OPRM1: variants seen among roughly 807,000 people sequenced by gnomAD.
The protein encoded by OPRM1 is opioid receptor mu 1, also known as mu-type opioid receptor.
OPRM1 carries 27 observed loss-of-function variants against 31.8 expected under a neutral mutation model. The ratio of observed to expected loss-of-function variants is 0.85; its 90% CI spans 0.63 to 1.17. The LOEUF (loss-of-function observed/expected upper bound fraction) is 1.17, where lower values mean the gene tolerates loss of function less well. OPRM1 is among the 50% of genes most tolerant of loss of function. The pLI is 0.00. For missense variants in OPRM1, 536 were observed against 511.1 expected, an observed-to-expected ratio of 1.05 and a Z score of -0.47; for synonymous variants, 196 against 189.9, an observed-to-expected ratio of 1.03 and a Z score of -0.26.
rs566813772 is a variant in OPRM1, at chr6:154,125,369, A to T, written c.*6648A>T. Reference sequence around the variant, plus strand: ...TACCTGCCCCACAACTGTGTACATAAAACCTAAACCTCTGAAGCAATAAAC... The same window carrying T: ...TACCTGCCCCACAACTGTGTACATATAACCTAAACCTCTGAAGCAATAAAC... On this transcript the variant is annotated 3_prime_UTR_variant, in exon 4 of 4. Transcript: ENST00000330432. Among the ~76,000 whole-genome samples the T allele has an allele frequency of 6.6e-6, 1 of 152,220 alleles. No homozygotes were observed. The highest frequency in any genetic ancestry group is 1.5e-5 in the Non-Finnish European group (1 of 68,040).
intron 1 of OPRM1, among the ~76,000 whole-genome samples, chr6:154,028,854 G>A (rs1778849724): frequency 6.6e-6 from 1 of 152,178 alleles, no homozygotes; most frequent in East Asian, 1.9e-4. Flanking sequence ...TGGTGTTGGT[G>A]ATTCAAGACT....
chr6:154,039,671 G>T lies in OPRM1; in HGVS notation c.127G>T (p.Asp43Tyr), dbSNP rs1326577721. The T allele has an allele frequency of 3.1e-6, 5 of 1,613,988 alleles. No homozygotes were observed. The South Asian group carries it at 5.5e-5, about 18-fold the overall frequency. The stretch of plus-strand genomic sequence containing the variant: ...GTCCCACTTAGATGGCAACCTGTCC[G>T]ACCCATGCGGTCCGAACCGCACCGA... ...NLSHLDGNLS[D>Y]PCGPNRTDLG... is the part of the protein sequence containing the mutation. Residue 43 changes from aspartate to tyrosine, a missense_variant, in exon 1 of 4, where the codon GAC becomes TAC. Transcript: ENST00000330432.
intron 3 of OPRM1, among the ~76,000 whole-genome samples, chr6:154,097,193 T>C (rs1031568589): frequency 1.3e-5 from 2 of 152,240 alleles, no homozygotes; most frequent in Non-Finnish European, 2.9e-5. Context: ...TCCTGCTAAT[T>C]CCTTTCCATT....
At chr6:154,052,964 C>T (rs1053665286) in intron 1 of OPRM1, among the ~76,000 whole-genome samples, 23 of 152,170 alleles carry the variant, frequency 1.5e-4, no homozygotes, top group Admixed American at 1.4e-3. Context: ...GCATATTGCT[C>T]TTCTGGAACT....
chr6:154,017,922 G>C (rs533330189), intron 1 of OPRM1, among the ~76,000 whole-genome samples: 6 of 152,098 alleles, frequency 3.9e-5, no homozygotes, highest in Non-Finnish European at 5.9e-5. Context: ...TAAGCCAACT[G>C]TTCAATCAAT....
intron 3 of OPRM1, among the ~76,000 whole-genome samples, chr6:154,204,808 C>A (rs988730787): frequency 2.0e-5 from 3 of 152,146 alleles, no homozygotes; most frequent in African/African-American, 7.2e-5. Flanking sequence ...TGCAGAAAAC[C>A]CTCTTATAAC....
intron 3 of OPRM1, chr6:154,108,121 C>A (rs965153439): frequency 3.4e-6 from 2 of 590,972 alleles, no homozygotes; most frequent in Admixed American, 3.0e-5. Flanking sequence ...ATCCGGCTTG[C>A]GGCACCATCG....
At position 154,019,747 on chromosome 6, in the gene OPRM1, C is replaced by CTTTTCTTTTTTT. The variant is rs61209522; in HGVS notation, c.-1+8733_-1+8734insCTTTTTTTTTTT. ...TAGTGGCTTTCTTTTCTTTTCTTTT[C>CTTTTCTTTTTTT]TTTTTTTTTTTTTTTTTTGAGACAG... On this transcript the variant is annotated intron_variant, in intron 1 of 5. Transcript: ENST00000434900. 2.0e-3 allele frequency among the ~76,000 whole-genome samples: 243 copies of CTTTTCTTTTTTT among 121,988 alleles called. 5 individuals are homozygous for CTTTTCTTTTTTT. The highest frequency in any genetic ancestry group is 6.0e-3 in the African/African-American group (176 of 29,354). The allele number at this position is 121,988 out of a possible 152,430, so 80.0% of individuals were successfully genotyped here.
intron 3 of OPRM1, among the ~76,000 whole-genome samples, chr6:154,198,450 T>G (rs570168236): frequency 4.7e-4 from 71 of 152,238 alleles, no homozygotes; most frequent in Middle Eastern, 3.4e-3. Flanking sequence ...CTCCAGTTCT[T>G]CTAATCTAGA....
chr6:154,056,180 G>A (rs1222482922), intron 1 of OPRM1, among the ~76,000 whole-genome samples: 5 of 151,964 alleles, frequency 3.3e-5, no homozygotes, highest in Admixed American at 2.6e-4. Flanking sequence ...CTGGAGTGCA[G>A]AGGTGCCAGC....
intron 1 of OPRM1, among the ~76,000 whole-genome samples, chr6:154,020,244 G>T (rs1232363007): frequency 6.6e-6 from 1 of 152,142 alleles, no homozygotes; most frequent in Non-Finnish European, 1.5e-5. Context: ...GGGATTGCAT[G>T]GTAAAAATAT....
chr6:154,186,859 A>G (rs1436316300), intron 3 of OPRM1, among the ~76,000 whole-genome samples: 1 of 152,064 alleles, frequency 6.6e-6, no homozygotes, highest in East Asian at 1.9e-4. Context: ...CCCGGCCCAG[A>G]GCAGCTCTTT....
At chr6:154,245,768 T>G (rs567923169) in intron 3 of OPRM1, among the ~76,000 whole-genome samples, 2 of 152,294 alleles carry the variant, frequency 1.3e-5, no homozygotes, top group Admixed American at 1.3e-4. Flanking sequence ...CAATCAAACC[T>G]CACTGGGTTT....
intron 3 of OPRM1, among the ~76,000 whole-genome samples, chr6:154,182,949 T>A (rs780330517): frequency 1.3e-5 from 2 of 152,050 alleles, no homozygotes; most frequent in Non-Finnish European, 2.9e-5. Flanking sequence ...AAGCAGAATA[T>A]GAAGGCTGAA....
At chr6:154,038,975 G>A (rs914925441), upstream of OPRM1, 2 of 617,268 alleles carry the variant, frequency 3.2e-6, no homozygotes, top group South Asian at 2.8e-5. Context: ...TGGCAGTAGG[G>A]ATGGAAGAGC....
intron 3 of OPRM1, among the ~76,000 whole-genome samples, chr6:154,152,259 GAAAGAAAGAA>G (rs2128541828): frequency 8.6e-6 from 1 of 116,848 alleles, no homozygotes; most frequent in African/African-American, 4.6e-5. Flanking sequence ...AGAAAGAAAA[GAAAGAAAGAA>G]AAAGAAAAGG....
chr6:154,020,065 AC>A, intron 1 of OPRM1, among the ~76,000 whole-genome samples: 1 of 152,082 alleles, frequency 6.6e-6, no homozygotes, highest in South Asian at 2.1e-4. Flanking sequence ...CCTGAAAAAT[AC>A]CCCATTGTCT....
chr6:154,082,611 C>T (rs75901199), intron 1 of OPRM1, among the ~76,000 whole-genome samples: 147 of 152,228 alleles, frequency 9.7e-4, no homozygotes, highest in Non-Finnish European at 1.8e-3. Flanking sequence ...GATTTGAAGT[C>T]GCTAGTAATG....
intron 3 of OPRM1, among the ~76,000 whole-genome samples, chr6:154,228,232 G>C (rs971992553): frequency 7.9e-5 from 12 of 151,716 alleles, no homozygotes; most frequent in African/African-American, 2.7e-4. Context: ...TTGGGAGGCC[G>C]AGGCAGAAAG....
Sources: gnomAD v4.1 joint callset for allele counts (sites outside exome capture counted in the v4.1 genomes callset) on GRCh38, gnomAD v4.1.1 for gene constraint, MANE v1.5 for transcripts, NCBI Gene and HGNC (gene_info 2026-07-23, HGNC 2026-07-21) for gene names.